Variants in ATXN7L1 observed in about 807,000 individuals in gnomAD.
ATXN7L1 encodes the protein ataxin-7-like protein 1.
In ATXN7L1, 15 loss-of-function variants were observed where a neutral mutation model predicts 70.8. That is an observed-to-expected ratio of 0.21 (90% CI 0.14 to 0.33). ATXN7L1 has a LOEUF of 0.33. Ranked by LOEUF, ATXN7L1 falls within the 10% of genes least tolerant of loss-of-function variation. The pLI, the probability that ATXN7L1 is intolerant of heterozygous loss-of-function variation, is 1.00. For synonymous variants in ATXN7L1, 440 were observed against 445.1 expected (o/e 0.99, Z 0.14); for missense variants, 975 against 1,097.1 (o/e 0.89, Z 1.57).
At chr7:105,801,898 C>T (rs1806871098) in intron 2 of ATXN7L1, among the ~76,000 whole-genome samples, 1 of 152,168 alleles carries the variant, frequency 6.6e-6, no homozygotes. Context: ...AGTGTATTGG[C>T]ACACCACTGG....
intron 2 of ATXN7L1, among the ~76,000 whole-genome samples, chr7:105,796,172 G>A (rs1180909860): frequency 1.3e-5 from 2 of 152,078 alleles, no homozygotes; most frequent in African/African-American, 2.4e-5. Flanking sequence ...AGACCATCTT[G>A]GCTAACACAG....
rs543977398 is a variant in ATXN7L1 at position 105,679,483 on chromosome 7, G to T, written c.356-14195C>A. On this transcript the variant is annotated intron_variant, in intron 3 of 11. Coordinates refer to ENST00000419735, the MANE Select transcript of ATXN7L1 (RefSeq NM_020725.2). Reference sequence around the variant, plus strand: ...CGCTCAGGGTCTGACCATCTTGATAGGCAGAGTCCACTTCATTACCTAGCA... The same window carrying T: ...CGCTCAGGGTCTGACCATCTTGATATGCAGAGTCCACTTCATTACCTAGCA... Among the ~76,000 whole-genome samples the T allele has an allele frequency of 2.6e-5, 4 of 152,294 alleles. No individual in the cohort carries two copies. In the South Asian group the frequency reaches 6.2e-4, roughly 24 times the overall value.
chr7:105,774,248 G>A (rs1002640912), intron 3 of ATXN7L1, among the ~76,000 whole-genome samples: 9 of 152,110 alleles, frequency 5.9e-5, no homozygotes, highest in East Asian at 1.9e-4. Context: ...TAAACGCACC[G>A]GGAAACTTGA....
At chr7:105,734,619 T>C (rs1797174944) in intron 3 of ATXN7L1, among the ~76,000 whole-genome samples, 2 of 151,936 alleles carry the variant, frequency 1.3e-5, no homozygotes, top group South Asian at 4.2e-4. Context: ...TCTGAAGTTT[T>C]AGCAACCTCC....
chr7:105,707,411 G>C (rs960037460), intron 3 of ATXN7L1, among the ~76,000 whole-genome samples: 1 of 152,152 alleles, frequency 6.6e-6, no homozygotes, highest in African/African-American at 2.4e-5. Context: ...TCTGAGCTTG[G>C]GTAGAGGTCA....
chr7:105,682,021 T>G (rs746742577), intron 3 of ATXN7L1, among the ~76,000 whole-genome samples: 2 of 151,934 alleles, frequency 1.3e-5, no homozygotes, highest in African/African-American at 2.4e-5. Context: ...GTTCAGGAGA[T>G]TGAGAGCAGC....
Position 105,607,900 on chromosome 7 carries a change from A to G in ATXN7L1, c.2548-10T>C. 1 of 1,551,794 alleles carries G rather than the reference A, an allele frequency of 6.4e-7. No homozygotes were observed. Among genetic ancestry groups the G allele is most frequent in the Non-Finnish European group, 8.7e-7 (1 of 1,146,760 alleles). ...CCGTTCTGTTTGTGTTCTTCTAGGAAAGAAAAGAAAAACTTGTTTCAAAAC... is the reference window on the plus strand; with the variant it reads ...CCGTTCTGTTTGTGTTCTTCTAGGAGAGAAAAGAAAAACTTGTTTCAAAAC... On this transcript the variant is annotated splice_polypyrimidine_tract_variant and intron_variant, in intron 11 of 11. Transcript: ENST00000419735.
intron 7 of ATXN7L1, among the ~76,000 whole-genome samples, chr7:105,636,448 C>T (rs1412327106): frequency 7.2e-5 from 4 of 55,594 alleles, no homozygotes; most frequent in Non-Finnish European, 1.8e-4. Flanking sequence ...TGTTCCTCTG[C>T]CCCCCCCACC....
intron 3 of ATXN7L1, among the ~76,000 whole-genome samples, chr7:105,700,801 C>G (rs1394366332): frequency 2.0e-5 from 3 of 152,236 alleles, no homozygotes; most frequent in African/African-American, 7.2e-5. Context: ...CCCACCCCAG[C>G]CTCCCCAGTA....
chr7:105,619,140 G>GTTTTTTTGTTTTTTT (rs1794386563), intron 9 of ATXN7L1, among the ~76,000 whole-genome samples: 1 of 49,846 alleles, frequency 2.0e-5, no homozygotes, highest in Non-Finnish European at 3.3e-5. Context: ...GAAATCTTTA[G>GTTTTTTTGTTTTTTT]TTTTTTTTTT....
rs140544287 is a variant in ATXN7L1 at position 105,716,571 on chromosome 7, C to T, written c.356-51283G>A. ...AGGTCCAGGTGTGGTGGCTCAGGCT[C>T]ATAATCCCAGCACTTTGGGAGACCT... On this transcript the variant is annotated intron_variant, in intron 3 of 11. Transcript: ENST00000419735. 1.9e-3 allele frequency among the ~76,000 whole-genome samples: 284 copies of T among 151,968 alleles called. 1 individual carries two copies. Among genetic ancestry groups the T allele is most frequent in the African/African-American group, 6.7e-3 (278 of 41,412 alleles).
chr7:105,792,296 C>A (rs1192862618), intron 2 of ATXN7L1, among the ~76,000 whole-genome samples: 3 of 152,328 alleles, frequency 2.0e-5, no homozygotes, highest in African/African-American at 7.2e-5. Flanking sequence ...GTGAGAGGAC[C>A]TGGGAATCTG....
At chr7:105,787,686 G>T (rs1283462659) in intron 3 of ATXN7L1, among the ~76,000 whole-genome samples, 1 of 152,148 alleles carries the variant, frequency 6.6e-6, no homozygotes, top group African/African-American at 2.4e-5. Flanking sequence ...GGAAATGTGC[G>T]TAATTTGCAA....
chr7:105,800,905 G>A (rs922373507), intron 2 of ATXN7L1, among the ~76,000 whole-genome samples: 7 of 152,222 alleles, frequency 4.6e-5, no homozygotes, highest in African/African-American at 1.7e-4. Flanking sequence ...AATTCGCTAA[G>A]TAAAAAGCCA....
intron 3 of ATXN7L1, among the ~76,000 whole-genome samples, chr7:105,737,054 A>G (rs988816792): frequency 2.6e-5 from 4 of 152,304 alleles, no homozygotes; most frequent in African/African-American, 9.6e-5. Flanking sequence ...CGGTTATAAG[A>G]CCATGAGGAC....
intron 3 of ATXN7L1, among the ~76,000 whole-genome samples, chr7:105,670,968 A>T (rs1383869343): frequency 1.3e-5 from 2 of 152,002 alleles, no homozygotes; most frequent in Non-Finnish European, 2.9e-5. Context: ...TAGCCCGGCG[A>T]GGTGGCGGGC....
chr7:105,825,504 T>A (rs916255113), intron 2 of ATXN7L1, among the ~76,000 whole-genome samples: 1 of 150,916 alleles, frequency 6.6e-6, no homozygotes, highest in Non-Finnish European at 1.5e-5. Context: ...TAGGTAAGAA[T>A]GCAAGTAAAA....
At chr7:105,714,985 A>G (rs1794367804) in intron 3 of ATXN7L1, among the ~76,000 whole-genome samples, 1 of 152,134 alleles carries the variant, frequency 6.6e-6, no homozygotes, top group Non-Finnish European at 1.5e-5. Flanking sequence ...TTACCCTAGA[A>G]GCCCTCTGAG....
chr7:105,683,972 G>T (rs900934145), intron 3 of ATXN7L1, among the ~76,000 whole-genome samples: 1 of 152,096 alleles, frequency 6.6e-6, no homozygotes, highest in Non-Finnish European at 1.5e-5. Flanking sequence ...TTCTCTGCAG[G>T]CCCCCTTCTT....
Sources: gnomAD v4.1 joint callset for allele counts (sites outside exome capture counted in the v4.1 genomes callset) on GRCh38, gnomAD v4.1.1 for gene constraint, MANE v1.5 for transcripts, NCBI Gene and HGNC (gene_info 2026-07-23, HGNC 2026-07-21) for gene names.